The following MGAT4C variants were observed in gnomAD, a reference collection of about 807,000 sequenced individuals.
The protein encoded by MGAT4C is alpha-1,3-mannosyl-glycoprotein 4-beta-N-acetylglucosaminyltransferase C.
MGAT4C carries 19 observed loss-of-function variants against 40.1 expected under a neutral mutation model. The observed-to-expected ratio is 0.47, with a 90% CI of 0.33 to 0.70. The LOEUF (loss-of-function observed/expected upper bound fraction) is 0.70, where lower values mean the gene tolerates loss of function less well. Ranked by LOEUF, MGAT4C falls within the 30% of genes least tolerant of loss-of-function variation. The probability of loss-of-function intolerance (pLI) is 0.02; values close to 1 mark genes in which losing one functional copy is unlikely to be tolerated. For missense variants in MGAT4C, 491 were observed against 563.2 expected (o/e 0.87, Z 1.30); for synonymous variants, 181 against 187.1 (o/e 0.97, Z 0.27).
At chr12:86,541,422 T>A (rs1959167057) in intron 2 of MGAT4C, among the ~76,000 whole-genome samples, 1 of 152,164 alleles carries the variant, frequency 6.6e-6, no homozygotes, top group African/African-American at 2.4e-5. Context: ...ATGCAAAAGT[T>A]CAAAATACTG....
At chr12:86,291,300 G>T (rs1458917558) in intron 4 of MGAT4C, among the ~76,000 whole-genome samples, 1 of 152,202 alleles carries the variant, frequency 6.6e-6, no homozygotes, top group African/African-American at 2.4e-5. Flanking sequence ...ATCCTAGAAA[G>T]AACTCTTGGA....
At chr12:86,606,922 T>A (rs1470830225) in intron 2 of MGAT4C, among the ~76,000 whole-genome samples, 1 of 152,142 alleles carries the variant, frequency 6.6e-6, no homozygotes, top group Non-Finnish European at 1.5e-5. Flanking sequence ...GGTATTTAGA[T>A]GGTTCAATAA....
At chr12:86,719,527 A>C (rs190027424) in intron 2 of MGAT4C, among the ~76,000 whole-genome samples, 1 of 152,320 alleles carries the variant, frequency 6.6e-6, no homozygotes, top group East Asian at 1.9e-4. Flanking sequence ...AATCCAGCTG[A>C]GTACATGTTG....
At chr12:86,712,191 G>C (rs1242898489) in intron 2 of MGAT4C, among the ~76,000 whole-genome samples, 1 of 151,882 alleles carries the variant, frequency 6.6e-6, no homozygotes, top group Non-Finnish European at 1.5e-5. Context: ...ATATTTAAAA[G>C]ATATCCACAA....
intron 4 of MGAT4C, among the ~76,000 whole-genome samples, chr12:86,296,546 C>T (rs1388143018): frequency 1.1e-4 from 16 of 152,308 alleles, no homozygotes; most frequent in South Asian, 2.1e-4. Context: ...GAGGCCTGCC[C>T]GGTGGGAAGG....
chr12:86,791,708 G>A (rs1460832534), intron 1 of MGAT4C, among the ~76,000 whole-genome samples: 1 of 152,086 alleles, frequency 6.6e-6, no homozygotes, highest in South Asian at 2.1e-4. Context: ...TGGAAAGAAG[G>A]CATTTGCCTA....
At chr12:86,779,646 G>C (rs1951803378) in intron 1 of MGAT4C, among the ~76,000 whole-genome samples, 1 of 151,952 alleles carries the variant, frequency 6.6e-6, no homozygotes, top group Non-Finnish European at 1.5e-5. Flanking sequence ...GGGAGCGGTG[G>C]CTTACTCCTG....
intron 2 of MGAT4C, among the ~76,000 whole-genome samples, chr12:85,999,580 T>C (rs1341783884): frequency 1.5e-5 from 1 of 65,418 alleles, no homozygotes; most frequent in African/African-American, 4.3e-5. Flanking sequence ...TGTGTGTGTG[T>C]GTGTATATAT....
chr12:86,510,680 G>C (rs1467664558), intron 2 of MGAT4C, among the ~76,000 whole-genome samples: 3 of 151,952 alleles, frequency 2.0e-5, no homozygotes, highest in Admixed American at 6.6e-5. Flanking sequence ...AAAAAGGCAG[G>C]GGTTGCAATC....
At chr12:86,570,459 C>T (rs544446226) in intron 2 of MGAT4C, among the ~76,000 whole-genome samples, 1 of 151,984 alleles carries the variant, frequency 6.6e-6, no homozygotes, top group African/African-American at 2.4e-5. Flanking sequence ...TGAACATGGA[C>T]CCCGACTCCT....
At chr12:86,390,143 A>G (rs1352627399) in intron 3 of MGAT4C, among the ~76,000 whole-genome samples, 1 of 152,176 alleles carries the variant, frequency 6.6e-6, no homozygotes, top group Admixed American at 6.5e-5. Context: ...TAGGGGAAAC[A>G]CTAAGCTGAT....
chr12:86,119,477 C>T (rs933657493), intron 1 of MGAT4C, among the ~76,000 whole-genome samples: 8 of 151,640 alleles, frequency 5.3e-5, no homozygotes, highest in African/African-American at 1.5e-4. Flanking sequence ...AGTGCAGTGG[C>T]GCGATCTGCA....
chr12:86,320,694 C>T (rs1446154176), intron 4 of MGAT4C, among the ~76,000 whole-genome samples: 1 of 151,874 alleles, frequency 6.6e-6, no homozygotes, highest in Non-Finnish European at 1.5e-5. Flanking sequence ...TGTATAATTC[C>T]AAAAATCATG....
At chr12:86,814,277 TATATATAC>T (rs1952543392) in intron 1 of MGAT4C, among the ~76,000 whole-genome samples, 1 of 49,950 alleles carries the variant, frequency 2.0e-5, no homozygotes, top group African/African-American at 7.2e-5. Context: ...CATATACGTA[TATATATAC>T]ATATATATAC....
At chr12:86,090,365 C>T (rs1872679133) in intron 1 of MGAT4C, among the ~76,000 whole-genome samples, 1 of 151,534 alleles carries the variant, frequency 6.6e-6, no homozygotes. Flanking sequence ...TGAGATATTT[C>T]ATCTTATTTA....
intron 4 of MGAT4C, among the ~76,000 whole-genome samples, chr12:86,309,055 G>T (rs951436834): frequency 1.1e-4 from 17 of 150,344 alleles, no homozygotes; most frequent in Admixed American, 1.1e-3. Flanking sequence ...ATAATGATAA[G>T]GTCTGATTCT....
intron 2 of MGAT4C, among the ~76,000 whole-genome samples, chr12:86,675,676 G>C (rs950440832): frequency 4.6e-5 from 7 of 152,110 alleles, no homozygotes; most frequent in Admixed American, 2.0e-4. Flanking sequence ...TGATCCTGAA[G>C]TGTTTTGCTT....
At chr12:86,470,780 C>T (rs1957746951) in intron 2 of MGAT4C, among the ~76,000 whole-genome samples, 1 of 152,064 alleles carries the variant, frequency 6.6e-6, no homozygotes, top group Non-Finnish European at 1.5e-5. Context: ...TGAAACTTTA[C>T]ATCATTTTCA....
intron 2 of MGAT4C, among the ~76,000 whole-genome samples, chr12:86,677,854 A>G (rs774582510): frequency 2.8e-4 from 42 of 152,252 alleles, no homozygotes; most frequent in Non-Finnish European, 4.3e-4. Context: ...TTCATACTTC[A>G]GAAAGCAAAC....
Sources: allele counts gnomAD v4.1 joint callset (sites outside exome capture counted in the v4.1 genomes callset), GRCh38; gene constraint gnomAD v4.1.1; transcripts MANE v1.5; gene names NCBI Gene and HGNC (gene_info 2026-07-23, HGNC 2026-07-21).